NWD2: variants seen among roughly 807,000 people sequenced by gnomAD.
NWD2 encodes the protein NACHT and WD repeat domain containing 2.
In NWD2, 37 loss-of-function variants were observed where a neutral mutation model predicts 132.7. The ratio of observed to expected loss-of-function variants is 0.28; its 90% CI spans 0.21 to 0.37. NWD2 has a LOEUF of 0.37. Ranked by LOEUF, NWD2 falls within the 10% of genes least tolerant of loss-of-function variation. The probability of loss-of-function intolerance (pLI) is 1.00; values close to 1 mark genes in which losing one functional copy is unlikely to be tolerated. For missense variants in NWD2, 1,592 were observed against 2,122.4 expected, an observed-to-expected ratio of 0.75 and a Z score of 4.91; for synonymous variants, 705 against 803.0, an observed-to-expected ratio of 0.88 and a Z score of 2.06.
intron 1 of NWD2, among the ~76,000 whole-genome samples, chr4:37,284,367 C>T (rs1001431561): frequency 3.3e-5 from 5 of 152,180 alleles, no homozygotes; most frequent in African/African-American, 9.7e-5. Context: ...AGTAATTGAA[C>T]ATATGAATGA....
At chr4:37,287,843 A>G (rs1358167265) in intron 1 of NWD2, among the ~76,000 whole-genome samples, 3 of 152,232 alleles carry the variant, frequency 2.0e-5, no homozygotes, top group African/African-American at 4.8e-5. Flanking sequence ...AAGTCATTCT[A>G]TGAAGATACA....
intron 3 of NWD2, among the ~76,000 whole-genome samples, chr4:37,370,140 A>T (rs1720185199): frequency 6.6e-6 from 1 of 152,192 alleles, no homozygotes. Flanking sequence ...AGACAACTTA[A>T]ATATATTATT....
At chr4:37,253,567 C>CTCGT (rs916714044) in intron 1 of NWD2, among the ~76,000 whole-genome samples, 3 of 152,114 alleles carry the variant, frequency 2.0e-5, no homozygotes, top group Non-Finnish European at 2.9e-5. Context: ...CCAGGAGGTC[C>CTCGT]TCGTTACATC....
intron 3 of NWD2, among the ~76,000 whole-genome samples, chr4:37,429,688 A>C (rs1238425251): frequency 1.3e-5 from 2 of 152,210 alleles, no homozygotes; most frequent in East Asian, 3.9e-4. Context: ...CATCTTTCTA[A>C]GTCAATATAG....
intron 3 of NWD2, among the ~76,000 whole-genome samples, chr4:37,418,011 A>G (rs959661443): frequency 3.9e-5 from 6 of 152,198 alleles, no homozygotes; most frequent in African/African-American, 1.4e-4. Flanking sequence ...AATGACAGCA[A>G]AGTAGCAACA....
chr4:37,291,156 A>T (rs1009402254), intron 1 of NWD2, among the ~76,000 whole-genome samples: 2 of 152,206 alleles, frequency 1.3e-5, no homozygotes, highest in Non-Finnish European at 1.5e-5. Context: ...TAGTTAGATC[A>T]ACAGTTTAAA....
chr4:37,444,823 T>C lies in NWD2; in HGVS notation c.2835T>C (p.Ile945=). 1 of 1,552,160 alleles carries C rather than the reference T, an allele frequency of 6.4e-7. No homozygotes were observed. The highest frequency in any genetic ancestry group is 8.7e-7 in the Non-Finnish European group (1 of 1,147,086). Residue 945 remains isoleucine, a synonymous_variant, in exon 7 of 7, where the codon ATT becomes ATC. Coordinates refer to ENST00000309447, the MANE Select transcript of NWD2 (RefSeq NM_001144990.2). This position sits in a 1 kb window ranked among gnomAD's most constrained non-coding sequence, Gnocchi z 4.8. Reference sequence around the variant, plus strand: ...AAGATGGGCCCAAATATTGCTCCATTGTACCACTGCATTCATCCATGGATG... The same window carrying C: ...AAGATGGGCCCAAATATTGCTCCATCGTACCACTGCATTCATCCATGGATG... ...CDKDGPKYCS[I]VPLHSSMDVT... is the part of the protein sequence containing the mutation.
chr4:37,360,687 G>C (rs535440879), intron 3 of NWD2, among the ~76,000 whole-genome samples: 2 of 152,224 alleles, frequency 1.3e-5, no homozygotes, highest in Admixed American at 6.5e-5. Flanking sequence ...CCTACTTGTC[G>C]CATTCCCTAG....
At chr4:37,392,738 G>A (rs1325146193) in intron 3 of NWD2, among the ~76,000 whole-genome samples, 1 of 152,302 alleles carries the variant, frequency 6.6e-6, no homozygotes, top group African/African-American at 2.4e-5. Context: ...TGCTCCTACA[G>A]AGCTCTGCAC....
intron 1 of NWD2, among the ~76,000 whole-genome samples, chr4:37,304,354 T>C (rs1271592113): frequency 6.6e-6 from 1 of 151,440 alleles, no homozygotes; most frequent in African/African-American, 2.4e-5. Context: ...AGCCAAACCA[T>C]ATTATTCTAC....
intron 3 of NWD2, among the ~76,000 whole-genome samples, chr4:37,426,290 C>T (rs770636663): frequency 6.6e-6 from 1 of 152,040 alleles, no homozygotes; most frequent in Non-Finnish European, 1.5e-5. Context: ...GAGCATTCCA[C>T]CTAAAGGAAG....
intron 3 of NWD2, among the ~76,000 whole-genome samples, chr4:37,408,245 A>AC (rs61578254): frequency 0.43 from 65,060 of 151,882 alleles, 15,486 homozygotes; most frequent in Non-Finnish European, 0.53. Context: ...GGCAGGTCCC[A>AC]CCCCCACGGA....
chr4:37,342,659 T>C (rs1201289607), intron 2 of NWD2, among the ~76,000 whole-genome samples: 1 of 152,206 alleles, frequency 6.6e-6, no homozygotes, highest in East Asian at 1.9e-4. Context: ...TCTTTCTCCA[T>C]GTTCATTAAG....
At chr4:37,305,129 G>T (rs148235324) in intron 1 of NWD2, among the ~76,000 whole-genome samples, 1 of 152,350 alleles carries the variant, frequency 6.6e-6, no homozygotes, top group Non-Finnish European at 1.5e-5. Flanking sequence ...ACCCTGTGAA[G>T]CCACGGCCTG....
intron 1 of NWD2, among the ~76,000 whole-genome samples, chr4:37,264,636 A>G (rs1472261106): frequency 2.6e-5 from 4 of 152,170 alleles, no homozygotes; most frequent in South Asian, 2.1e-4. Flanking sequence ...TTAACATATA[A>G]CCAGACATTT....
At chr4:37,436,813 TC>T (rs1712336374) in intron 5 of NWD2, among the ~76,000 whole-genome samples, 1 of 152,138 alleles carries the variant, frequency 6.6e-6, no homozygotes, top group Non-Finnish European at 1.5e-5. Context: ...TCTGGCATCT[TC>T]CCTTATCTAC....
chr4:37,427,751 T>A (rs1053690277), intron 3 of NWD2, among the ~76,000 whole-genome samples: 7 of 152,198 alleles, frequency 4.6e-5, no homozygotes, highest in African/African-American at 1.4e-4. Context: ...TTTGAGGCAG[T>A]GAATTCAGTT....
At chr4:37,398,327 A>G (rs1212051067) in intron 3 of NWD2, among the ~76,000 whole-genome samples, 4 of 152,186 alleles carry the variant, frequency 2.6e-5, no homozygotes, top group Non-Finnish European at 2.9e-5. Context: ...GGAAACCATC[A>G]TCCTCAGCAA....
At chr4:37,393,137 G>A (rs773998809) in intron 3 of NWD2, among the ~76,000 whole-genome samples, 1 of 152,088 alleles carries the variant, frequency 6.6e-6, no homozygotes, top group Non-Finnish European at 1.5e-5. Context: ...CATGAATGTT[G>A]GGCCCTTTTC....
Sources: allele counts gnomAD v4.1 joint callset (sites outside exome capture counted in the v4.1 genomes callset), GRCh38; gene constraint gnomAD v4.1.1; non-coding constraint Gnocchi (gnomAD v3.1); transcripts MANE v1.5; gene names NCBI Gene and HGNC (gene_info 2026-07-23, HGNC 2026-07-21).